The following AGAP1 variants were observed in gnomAD, a reference collection of about 807,000 sequenced individuals.
AGAP1 encodes the protein ArfGAP with GTPase domain, ankyrin repeat and PH domain 1.
A neutral mutation model predicts 105.3 loss-of-function variants in AGAP1; 29 were observed. The ratio of observed to expected loss-of-function variants is 0.28; its 90% confidence interval spans 0.21 to 0.38. AGAP1 has a LOEUF of 0.38. Among genes scored for constraint, AGAP1 ranks in the 10% least tolerant of loss-of-function variants. The pLI is 1.00. For missense variants in AGAP1, 998 were observed against 1,165.1 expected (o/e 0.86, Z 2.09); for synonymous variants, 509 against 485.9 (o/e 1.05, Z -0.63).
chr2:235,886,213 A>G (rs1441511592), intron 10 of AGAP1, among the ~76,000 whole-genome samples: 2 of 152,260 alleles, frequency 1.3e-5, no homozygotes, highest in Admixed American at 6.5e-5. Flanking sequence ...AGGTCTAACT[A>G]TTGAACCAGT....
chr2:235,873,784 G>A (rs1271575064), intron 9 of AGAP1, among the ~76,000 whole-genome samples: 1 of 152,242 alleles, frequency 6.6e-6, no homozygotes, highest in African/African-American at 2.4e-5. Context: ...CTGGAGTGCA[G>A]TGGCACAATC....
In AGAP1 at chr2:235,936,470, G is replaced by A. The variant is rs1318918066; in HGVS notation, c.1483+5547G>A. Among the ~76,000 whole-genome samples the A allele has an allele frequency of 6.6e-6, 1 of 152,104 alleles. No individual in the cohort carries two copies. The highest frequency in any genetic ancestry group is 1.5e-5 in the Non-Finnish European group (1 of 68,022). On this transcript the variant is annotated intron_variant, in intron 12 of 17. Coordinates refer to ENST00000304032, the MANE Select transcript of AGAP1 (RefSeq NM_001037131.3). This position sits in a 1 kb window ranked among gnomAD's most constrained non-coding sequence, Gnocchi z 4.7. ...TCATTATAAAAATGTTTTGCACGTCGATTTTGATGATGGGGGTTCGAAACA... is the reference window on the plus strand; with the variant it reads ...TCATTATAAAAATGTTTTGCACGTCAATTTTGATGATGGGGGTTCGAAACA...
intron 1 of AGAP1, among the ~76,000 whole-genome samples, chr2:235,676,309 C>G (rs1332382869): frequency 2.0e-5 from 3 of 152,222 alleles, no homozygotes; most frequent in Non-Finnish European, 4.4e-5. Context: ...ACTAGTGAGT[C>G]CTTCCTGGGC....
At position 235,956,097 on chromosome 2, in the gene AGAP1, C is replaced by G. The variant is rs545367860; in HGVS notation, c.1484-12365C>G. On this transcript the variant is annotated intron_variant, in intron 12 of 17. Transcript: ENST00000304032. ...TCAGTCTCTCCCCAGCCTGCTCACCCTCACACGTGAAACAGAATCTCTTTT... is the reference window on the plus strand; with the variant it reads ...TCAGTCTCTCCCCAGCCTGCTCACCGTCACACGTGAAACAGAATCTCTTTT... Among the ~76,000 whole-genome samples, 6 of 152,316 alleles carry G rather than the reference C, an allele frequency of 3.9e-5. No individual in the cohort carries two copies. The South Asian group carries it at 1.2e-3, about 32-fold the overall frequency.
intron 1 of AGAP1, among the ~76,000 whole-genome samples, chr2:235,695,677 C>T (rs150640805): frequency 6.6e-6 from 1 of 152,302 alleles, no homozygotes; most frequent in East Asian, 1.9e-4. Context: ...CACATCTGAG[C>T]TGGTCAGGCA....
In AGAP1 at chr2:236,051,061, T is replaced by A. The variant is rs1365802921; in HGVS notation, c.2114+1780T>A. Among the ~76,000 whole-genome samples the A allele has an allele frequency of 3.3e-5, 5 of 152,200 alleles. No homozygotes were observed. The highest frequency in any genetic ancestry group is 7.3e-5 in the Non-Finnish European group (5 of 68,032). ...ACTTGCTTACTCCCAAGTGCAGTGG[T>A]TGCAGTTAAGTCCCATCTTTTCTTT... On this transcript the variant is annotated intron_variant, in intron 16 of 17. Coordinates refer to ENST00000304032, the MANE Select transcript of AGAP1 (RefSeq NM_001037131.3). This position sits in a 1 kb window ranked among gnomAD's most constrained non-coding sequence, Gnocchi z 5.9.
In AGAP1 at chr2:235,548,545, C is replaced by T. The variant is rs572041168; in HGVS notation, c.163+53696C>T. On this transcript the variant is annotated intron_variant, in intron 1 of 17. Coordinates refer to ENST00000304032, the MANE Select transcript of AGAP1 (RefSeq NM_001037131.3). Reference sequence around the variant, plus strand: ...GCATGCACCTGTAATCCTAGCTCCTCGGGAGGCTGAGGCAGGAGAATCACT... The same window carrying T: ...GCATGCACCTGTAATCCTAGCTCCTTGGGAGGCTGAGGCAGGAGAATCACT... 4.0e-5 allele frequency among the ~76,000 whole-genome samples: 6 copies of T among 151,354 alleles called. No individual in the cohort carries two copies. In the East Asian group the frequency reaches 7.9e-4, roughly 20 times the overall value.
chr2:235,823,404 G>A (rs1958906946), intron 9 of AGAP1, among the ~76,000 whole-genome samples: 1 of 152,120 alleles, frequency 6.6e-6, no homozygotes, highest in African/African-American at 2.4e-5. Context: ...CCGAGTAGCT[G>A]GGACTATGGG....
rs1210581670 is a variant in AGAP1 at position 235,683,873 on chromosome 2, G to T, written c.164-25306G>T. ...GCCCCCCGTCCCCCGCCCGGCCCCAGTGTGTGATGTTCCCCGCCCTGTGTC... is the reference window on the plus strand; with the variant it reads ...GCCCCCCGTCCCCCGCCCGGCCCCATTGTGTGATGTTCCCCGCCCTGTGTC... On this transcript the variant is annotated intron_variant, in intron 1 of 17. Transcript: ENST00000304032. Among the ~76,000 whole-genome samples the T allele has an allele frequency of 7.2e-5, 9 of 124,232 alleles. No homozygotes were observed. In the Admixed American group the frequency reaches 8.1e-4, roughly 11 times the overall value. 81.5% of individuals were successfully genotyped at this position (124,232 alleles called of 152,430 possible). A position where few individuals can be genotyped will look rare whatever the true frequency, so the allele number is the denominator to read the frequency against.
rs1285039662 is a variant in AGAP1 at position 236,005,937 on chromosome 2, C to T, written c.1646-30624C>T. 1.3e-5 allele frequency among the ~76,000 whole-genome samples: 2 copies of T among 152,188 alleles called. No homozygotes were observed. Among genetic ancestry groups the T allele is most frequent in the Non-Finnish European group, 2.9e-5 (2 of 68,030 alleles). ...GTGCCCCTCCACAGCCCATACTGAA[C>T]TTTTGGAAGGAAGTCACTGTGCACT... is the stretch of plus-strand genomic sequence containing the variant. On this transcript the variant is annotated intron_variant, in intron 13 of 17. Coordinates refer to ENST00000304032, the MANE Select transcript of AGAP1 (RefSeq NM_001037131.3). This position sits in a 1 kb window ranked among gnomAD's most constrained non-coding sequence, Gnocchi z 4.1.
In AGAP1 at chr2:235,953,093, CAA is replaced by C. The variant is rs2053807381; in HGVS notation, c.1484-15368_1484-15367del. Among the ~76,000 whole-genome samples, 1 of 152,196 alleles carries C rather than the reference CAA, an allele frequency of 6.6e-6. No individual in the cohort carries two copies. Among genetic ancestry groups the C allele is most frequent in the Non-Finnish European group, 1.5e-5 (1 of 68,042 alleles). ...CTGACTGGGACATGCCACCCACCTC[CAA>C]TAAAGGCTTGGGAGTCGCAAGGATC... is the stretch of plus-strand genomic sequence containing the variant. On this transcript the variant is annotated intron_variant, in intron 12 of 17. Coordinates refer to ENST00000304032, the MANE Select transcript of AGAP1 (RefSeq NM_001037131.3). This position sits in a 1 kb window ranked among gnomAD's most constrained non-coding sequence, Gnocchi z 5.2.
intron 13 of AGAP1, among the ~76,000 whole-genome samples, chr2:236,007,864 G>A (rs1185245346): frequency 2.6e-5 from 4 of 152,366 alleles, no homozygotes; most frequent in African/African-American, 4.8e-5. Flanking sequence ...GAGAGGGGAC[G>A]TGAGAAGGGG....
At chr2:235,844,010 G>A (rs1380143513) in intron 9 of AGAP1, among the ~76,000 whole-genome samples, 1 of 152,078 alleles carries the variant, frequency 6.6e-6, no homozygotes, top group East Asian at 1.9e-4. Flanking sequence ...CTCCCTCTTG[G>A]AATCTGGCAG....
rs1229041783 is a variant in AGAP1 at position 236,053,401 on chromosome 2, C to T, written c.2114+4120C>T. ...TTGACGTTTGCAGCACCAGCAAAGC[C>T]GTCTCAGTAAACCCGTCCACGCACA... On this transcript the variant is annotated intron_variant, in intron 16 of 17. Coordinates refer to ENST00000304032, the MANE Select transcript of AGAP1 (RefSeq NM_001037131.3). The surrounding 1 kb of genome is among the most constrained non-coding windows in gnomAD (Gnocchi z 4.6). Among the ~76,000 whole-genome samples, 3 of 152,218 alleles carry T rather than the reference C, an allele frequency of 2.0e-5. No homozygotes were observed. The highest frequency in any genetic ancestry group is 4.4e-5 in the Non-Finnish European group (3 of 68,044).
At chr2:235,521,034 T>C (rs2149049916) in intron 1 of AGAP1, among the ~76,000 whole-genome samples, 1 of 152,334 alleles carries the variant, frequency 6.6e-6, no homozygotes, top group South Asian at 2.1e-4. Flanking sequence ...TGGTCATCTC[T>C]CTAGCAGTCA....
At chr2:235,941,249 A>G (rs979978492) in intron 12 of AGAP1, among the ~76,000 whole-genome samples, 1 of 152,236 alleles carries the variant, frequency 6.6e-6, no homozygotes, top group African/African-American at 2.4e-5. Flanking sequence ...GGATCATCTT[A>G]GCCTGTTCCT....
At chr2:236,024,116 C>T (rs191062122) in intron 13 of AGAP1, among the ~76,000 whole-genome samples, 7 of 145,080 alleles carry the variant, frequency 4.8e-5, no homozygotes, top group East Asian at 2.0e-4. Flanking sequence ...CTACAACCTC[C>T]GCCTCCCGGG....
chr2:235,853,929 T>C (rs2048579272), intron 9 of AGAP1, among the ~76,000 whole-genome samples: 1 of 151,988 alleles, frequency 6.6e-6, no homozygotes, highest in Non-Finnish European at 1.5e-5. Flanking sequence ...GCCTCCCATG[T>C]GGAGATACTA....
At chr2:235,757,268 G>T (rs141157758) in intron 6 of AGAP1, among the ~76,000 whole-genome samples, 365 of 152,358 alleles carry the variant, frequency 2.4e-3, no homozygotes, top group African/African-American at 8.6e-3. Flanking sequence ...CTGCATTATT[G>T]TGGAGGGAGA....
Sources: gnomAD v4.1 joint callset for allele counts (sites outside exome capture counted in the v4.1 genomes callset) on GRCh38, gnomAD v4.1.1 for gene constraint, Gnocchi (gnomAD v3.1) non-coding constraint, MANE v1.5 for transcripts, NCBI Gene and HGNC (gene_info 2026-07-23, HGNC 2026-07-21) for gene names.